SCAPER: variants seen among roughly 807,000 people sequenced by gnomAD.
SCAPER encodes S-phase cyclin A associated protein in the ER, also known as S phase cyclin A-associated protein in the endoplasmic reticulum.
Under a neutral mutation model 182.2 loss-of-function variants are expected in SCAPER, and 98 were observed. That is an observed-to-expected ratio of 0.54 (90% confidence interval 0.46 to 0.64). The LOEUF (loss-of-function observed/expected upper bound fraction) is 0.64, where lower values mean the gene tolerates loss of function less well. Ranked by LOEUF, SCAPER falls within the 30% of genes least tolerant of loss-of-function variation. SCAPER has a pLI of 0.00. For synonymous variants in SCAPER, 605 were observed against 564.6 expected (o/e 1.07, Z -1.01); for missense variants, 1,432 against 1,690.0 (o/e 0.85, Z 2.68).
intron 24 of SCAPER, among the ~76,000 whole-genome samples, chr15:76,485,155 C>T (rs1468666021): frequency 2.0e-5 from 3 of 152,154 alleles, no homozygotes; most frequent in African/African-American, 7.2e-5. Flanking sequence ...TAGAAAACCC[C>T]ACAGTCTTAG....
At position 76,609,109 on chromosome 15, in the gene SCAPER, C is replaced by T. The variant is rs552071566; in HGVS notation, c.2711+12655G>A. Among the ~76,000 whole-genome samples the T allele has an allele frequency of 1.1e-3, 160 of 152,284 alleles. 3 individuals carry two copies. Among genetic ancestry groups the T allele is most frequent in the African/African-American group, 3.8e-3 (156 of 41,554 alleles). On this transcript the variant is annotated intron_variant, in intron 22 of 31. Transcript: ENST00000563290. Reference sequence around the variant, plus strand: ...AAATGCAGAAATCATCCGTCTTCTGCGTCGCTCATGCTGGTAGCTGTAGAC... The same window carrying T: ...AAATGCAGAAATCATCCGTCTTCTGTGTCGCTCATGCTGGTAGCTGTAGAC...
chr15:76,715,761 C>A (rs1372128118), intron 17 of SCAPER, among the ~76,000 whole-genome samples: 1 of 152,126 alleles, frequency 6.6e-6, no homozygotes, highest in Non-Finnish European at 1.5e-5. Context: ...CCTTCTTCCC[C>A]AGAATCATGC....
At chr15:76,861,524 C>A (rs1030683891) in intron 3 of SCAPER, among the ~76,000 whole-genome samples, 1 of 152,112 alleles carries the variant, frequency 6.6e-6, no homozygotes, top group Admixed American at 6.5e-5. Flanking sequence ...AACCTCCTGT[C>A]TTCTGTATCT....
chr15:76,806,298 C>T (rs1202403754), intron 5 of SCAPER, among the ~76,000 whole-genome samples: 1 of 152,164 alleles, frequency 6.6e-6, no homozygotes, highest in Non-Finnish European at 1.5e-5. Flanking sequence ...AAATACTATT[C>T]TTTCCCTCAT....
intron 26 of SCAPER, among the ~76,000 whole-genome samples, chr15:76,405,109 C>CTTTT (rs35039615): frequency 7.4e-4 from 83 of 112,402 alleles, no homozygotes; most frequent in African/African-American, 2.6e-3. Context: ...ACAACTTACA[C>CTTTT]TTTTTTTTTT....
intron 5 of SCAPER, among the ~76,000 whole-genome samples, chr15:76,823,809 T>A (rs1458387287): frequency 2.6e-5 from 4 of 152,078 alleles, no homozygotes; most frequent in African/African-American, 7.2e-5. Context: ...TCAAATTTTT[T>A]AATCAAATTC....
intron 22 of SCAPER, among the ~76,000 whole-genome samples, chr15:76,590,936 A>G (rs890785085): frequency 7.2e-5 from 11 of 152,246 alleles, no homozygotes; most frequent in African/African-American, 2.7e-4. Flanking sequence ...TAATTCAGAA[A>G]CAGACAAATA....
chr15:76,566,999 C>T (rs942880694), intron 23 of SCAPER, among the ~76,000 whole-genome samples: 1 of 151,916 alleles, frequency 6.6e-6, no homozygotes, highest in East Asian at 1.9e-4. Context: ...GATCACACAT[C>T]TCACCCTTCT....
intron 16 of SCAPER, among the ~76,000 whole-genome samples, chr15:76,729,449 T>C (rs984821844): frequency 1.3e-5 from 2 of 152,138 alleles, no homozygotes; most frequent in African/African-American, 4.8e-5. Context: ...TAGAAACACC[T>C]GAATATGATG....
At chr15:76,563,433 T>C (rs2046796234) in intron 23 of SCAPER, among the ~76,000 whole-genome samples, 1 of 152,164 alleles carries the variant, frequency 6.6e-6, no homozygotes, top group African/African-American at 2.4e-5. Context: ...AGTGGATAAA[T>C]TCCTGGACAC....
intron 24 of SCAPER, chr15:76,472,291 G>T: frequency 1.6e-6 from 1 of 637,042 alleles, no homozygotes; most frequent in Non-Finnish European, 3.0e-6. Flanking sequence ...GGCAGGGAGG[G>T]GAATAACCCT....
intron 10 of SCAPER, among the ~76,000 whole-genome samples, chr15:76,771,131 G>A (rs2063445295): frequency 6.6e-6 from 1 of 152,042 alleles, no homozygotes; most frequent in South Asian, 2.1e-4. Context: ...TCTTTGGAAA[G>A]CTAGTTTTTA....
rs114501450 is a variant in SCAPER, at chr15:76,701,138, G to T, written c.2508+620C>A. Among the ~76,000 whole-genome samples, 303 of 149,546 alleles carry T rather than the reference G, an allele frequency of 2.0e-3. 3 individuals are homozygous for T. Among genetic ancestry groups the T allele is most frequent in the African/African-American group, 7.0e-3 (286 of 40,718 alleles). On this transcript the variant is annotated intron_variant, in intron 20 of 31. Transcript: ENST00000563290. ...CAATATACACATGCACCTACATAAA[G>T]GTACCTGCCCTCAAAGAACCCACAA...
At chr15:76,579,881 T>A (rs893504074) in intron 22 of SCAPER, among the ~76,000 whole-genome samples, 51 of 152,186 alleles carry the variant, frequency 3.4e-4, no homozygotes, top group African/African-American at 1.2e-3. Flanking sequence ...TATACTTATG[T>A]CAGAAAAAAT....
chr15:76,611,589 T>C (rs1019416270), intron 22 of SCAPER, among the ~76,000 whole-genome samples: 10 of 152,150 alleles, frequency 6.6e-5, no homozygotes, highest in African/African-American at 2.4e-4. Flanking sequence ...AAGGCCAGTA[T>C]TATCTTGATG....
intron 23 of SCAPER, among the ~76,000 whole-genome samples, chr15:76,519,204 C>A (rs1040406026): frequency 6.6e-6 from 1 of 152,178 alleles, no homozygotes. Context: ...ATTTACACAA[C>A]GCTTTTAATC....
intron 1 of SCAPER, among the ~76,000 whole-genome samples, chr15:76,888,096 A>G (rs1448881483): frequency 6.6e-6 from 1 of 152,256 alleles, no homozygotes; most frequent in Non-Finnish European, 1.5e-5. Context: ...CCTGACTGTT[A>G]GAAGGAAAAC....
intron 17 of SCAPER, among the ~76,000 whole-genome samples, chr15:76,724,746 G>A (rs980750797): frequency 2.0e-5 from 3 of 152,032 alleles, no homozygotes; most frequent in Admixed American, 1.3e-4. Context: ...CATTTGTCAC[G>A]TAGTTCTCGT....
intron 24 of SCAPER, among the ~76,000 whole-genome samples, chr15:76,503,179 TTTC>T (rs2041294546): frequency 1.3e-5 from 2 of 152,344 alleles, no homozygotes; most frequent in African/African-American, 4.8e-5. Flanking sequence ...TATCATTTCC[TTTC>T]TTATTTCAAA....
Sources: gnomAD v4.1 joint callset for allele counts (sites outside exome capture counted in the v4.1 genomes callset) on GRCh38, gnomAD v4.1.1 for gene constraint, MANE v1.5 for transcripts, NCBI Gene and HGNC (gene_info 2026-07-23, HGNC 2026-07-21) for gene names.